EPHA7: variants seen among roughly 807,000 people sequenced by gnomAD.
EPHA7 encodes EPH receptor A7.
A neutral mutation model predicts 112.6 loss-of-function variants in EPHA7; 25 were observed. The observed-to-expected ratio is 0.22, with a 90% CI of 0.16 to 0.31. The LOEUF (loss-of-function observed/expected upper bound fraction) is 0.31. EPHA7 is among the 10% of genes least tolerant of loss of function. The pLI is 1.00. For missense variants in EPHA7, 962 were observed against 1,212.6 expected (o/e 0.79, Z 3.07); for synonymous variants, 437 against 406.5 (o/e 1.07, Z -0.90).
chr6:93,264,764 ATAAAAT>A lies in EPHA7; in HGVS notation c.1634-68_1634-63del. 5.7e-6 allele frequency: 5 copies of A among 884,220 alleles called. 1 individual carries two copies. The highest frequency in any genetic ancestry group is 8.5e-6 in the Non-Finnish European group (5 of 590,986). 54.8% of individuals were successfully genotyped at this position (884,220 alleles called of 1,614,324 possible). A position where few individuals can be genotyped will look rare whatever the true frequency, so the allele number is the denominator to read the frequency against. On this transcript the variant is annotated intron_variant, in intron 7 of 16. Transcript: ENST00000369303. Reference sequence around the variant, plus strand: ...ACCATGCAAGAACTTGAAAGGTTAAATAAAATTAGAGTTATCTTTTCTATTTAATTC... The same window carrying A: ...ACCATGCAAGAACTTGAAAGGTTAAATAGAGTTATCTTTTCTATTTAATTC...
chr6:93,377,655 C>G (rs1777130338), intron 3 of EPHA7, among the ~76,000 whole-genome samples: 1 of 152,004 alleles, frequency 6.6e-6, no homozygotes, highest in Non-Finnish European at 1.5e-5. Context: ...AAAAGGAAAA[C>G]CAGAAGAAAA....
intron 3 of EPHA7, among the ~76,000 whole-genome samples, chr6:93,358,636 G>A (rs1776082608): frequency 6.6e-6 from 1 of 152,162 alleles, no homozygotes; most frequent in Admixed American, 6.5e-5. Flanking sequence ...TGCACCTGCA[G>A]TTGGCACCAG....
chr6:93,276,607 A>T (rs1255459347), intron 5 of EPHA7, among the ~76,000 whole-genome samples: 1 of 152,082 alleles, frequency 6.6e-6, no homozygotes, highest in Non-Finnish European at 1.5e-5. Flanking sequence ...GTAATCTGTT[A>T]TGGCAGCAAT....
At chr6:93,256,953 T>C (rs1347650292) in intron 12 of EPHA7, among the ~76,000 whole-genome samples, 2 of 152,142 alleles carry the variant, frequency 1.3e-5, no homozygotes, top group African/African-American at 4.8e-5. Flanking sequence ...AATATCTATG[T>C]TTATATATTC....
At chr6:93,303,720 G>A (rs1384436489) in intron 5 of EPHA7, among the ~76,000 whole-genome samples, 5 of 151,912 alleles carry the variant, frequency 3.3e-5, no homozygotes, top group South Asian at 4.2e-4. Context: ...TAATTTCATC[G>A]GTAGATAGGT....
chr6:93,411,188 A>C lies in EPHA7; in HGVS notation c.163-18T>G. On this transcript the variant is annotated intron_variant, in intron 2 of 16. Coordinates refer to ENST00000369303, the MANE Select transcript of EPHA7 (RefSeq NM_004440.4). The stretch of plus-strand genomic sequence containing the variant: ...TCTTCCCACTGTAAAATTTGAAAAA[A>C]GGTCATCAGTCATTCAGCAAAAAAT... 1.3e-6 allele frequency: 2 copies of C among 1,588,978 alleles called. No individual in the cohort carries two copies. Among genetic ancestry groups the C allele is most frequent in the Non-Finnish European group, 8.6e-7 (1 of 1,164,634 alleles).
At chr6:93,358,687 A>C (rs1277023992) in intron 3 of EPHA7, among the ~76,000 whole-genome samples, 2 of 152,236 alleles carry the variant, frequency 1.3e-5, no homozygotes, top group Non-Finnish European at 2.9e-5. Flanking sequence ...GGCATAATTT[A>C]TTTAGCCAAA....
intron 5 of EPHA7, among the ~76,000 whole-genome samples, chr6:93,295,947 C>T (rs919689738): frequency 3.3e-5 from 5 of 151,838 alleles, no homozygotes; most frequent in Admixed American, 3.3e-4. Flanking sequence ...CACACACAAA[C>T]ATACCACTTC....
intron 5 of EPHA7, among the ~76,000 whole-genome samples, chr6:93,333,159 A>T (rs1774686633): frequency 6.6e-6 from 1 of 151,572 alleles, no homozygotes; most frequent in Admixed American, 6.6e-5. Context: ...TCCTGCATTA[A>T]TTTGTTTAGG....
chr6:93,375,855 A>G (rs1161078807), intron 3 of EPHA7, among the ~76,000 whole-genome samples: 1 of 152,152 alleles, frequency 6.6e-6, no homozygotes, highest in Non-Finnish European at 1.5e-5. Flanking sequence ...TTTTCTTCTA[A>G]AGGCAACTAA....
At chr6:93,390,251 A>C (rs560644978) in intron 3 of EPHA7, among the ~76,000 whole-genome samples, 1 of 151,732 alleles carries the variant, frequency 6.6e-6, no homozygotes. Flanking sequence ...TAAAAAAAAA[A>C]GGTGAATGAA....
intron 5 of EPHA7, among the ~76,000 whole-genome samples, chr6:93,288,107 G>T (rs554984501): frequency 6.6e-6 from 1 of 152,124 alleles, no homozygotes; most frequent in South Asian, 2.1e-4. Context: ...GAAAACACAG[G>T]TCCACACAAA....
intron 3 of EPHA7, among the ~76,000 whole-genome samples, chr6:93,381,017 C>T (rs1777307780): frequency 6.6e-6 from 1 of 152,018 alleles, no homozygotes; most frequent in South Asian, 2.1e-4. Flanking sequence ...GTTTCAGCTG[C>T]CATTAAGCAA....
intron 3 of EPHA7, among the ~76,000 whole-genome samples, chr6:93,382,015 A>T (rs1441075070): frequency 6.6e-6 from 1 of 152,226 alleles, no homozygotes; most frequent in Admixed American, 6.5e-5. Context: ...AGAATTACAT[A>T]AAAAGAATTT....
intron 5 of EPHA7, among the ~76,000 whole-genome samples, chr6:93,355,347 T>C (rs1285400004): frequency 1.3e-5 from 2 of 152,168 alleles, no homozygotes; most frequent in Non-Finnish European, 2.9e-5. Flanking sequence ...ATGGTAAGTC[T>C]GAGATCATAT....
chr6:93,334,138 C>G (rs1774739721), intron 5 of EPHA7, among the ~76,000 whole-genome samples: 1 of 151,872 alleles, frequency 6.6e-6, no homozygotes, highest in Non-Finnish European at 1.5e-5. Context: ...ACAAAGTCAA[C>G]AAAAACAAAC....
intron 5 of EPHA7, 142 bp downstream of exon 5, chr6:93,356,575 A>C: frequency 1.3e-6 from 1 of 750,284 alleles, no homozygotes; most frequent in Non-Finnish European, 2.1e-6. Flanking sequence ...TGTAACAAGC[A>C]ACAGGAAAAG....
At chr6:93,403,566 G>A (rs1778535682) in intron 3 of EPHA7, among the ~76,000 whole-genome samples, 3 of 151,786 alleles carry the variant, frequency 2.0e-5, no homozygotes, top group Admixed American at 1.3e-4. Flanking sequence ...CTTGAGCCCA[G>A]GAGTGCTGGG....
chr6:93,337,144 A>G (rs1485449203), intron 5 of EPHA7, among the ~76,000 whole-genome samples: 1 of 152,176 alleles, frequency 6.6e-6, no homozygotes, highest in Non-Finnish European at 1.5e-5. Context: ...CAAATCCGCA[A>G]TTCAAAGTTC....
Sources: allele counts gnomAD v4.1 joint callset (sites outside exome capture counted in the v4.1 genomes callset), GRCh38; gene constraint gnomAD v4.1.1; transcripts MANE v1.5; gene names NCBI Gene and HGNC (gene_info 2026-07-23, HGNC 2026-07-21).